GAREM1: variants seen among roughly 807,000 people sequenced by gnomAD.
GAREM1 encodes the protein GRB2 associated regulator of MAPK1 subtype 1.
GAREM1 carries 26 observed loss-of-function variants against 71.3 expected under a neutral mutation model. The ratio of observed to expected loss-of-function variants is 0.36; its 90% CI spans 0.27 to 0.51. The LOEUF (loss-of-function observed/expected upper bound fraction) is 0.51, where lower values mean the gene tolerates loss of function less well. GAREM1 is among the 20% of genes least tolerant of loss of function. The pLI, the probability that GAREM1 is intolerant of heterozygous loss-of-function variation, is 0.95. For synonymous variants in GAREM1, 440 were observed against 433.2 expected (o/e 1.02, Z -0.20); for missense variants, 1,026 against 1,103.1 (o/e 0.93, Z 0.99).
At chr18:32,441,477 T>G (rs548995636) in intron 1 of GAREM1, among the ~76,000 whole-genome samples, 3 of 152,122 alleles carry the variant, frequency 2.0e-5, no homozygotes, top group Non-Finnish European at 4.4e-5. Context: ...AAAACACGGC[T>G]TTCGAAAAGA....
At chr18:32,310,142 G>A (rs1397719434) in intron 3 of GAREM1, 51 bp downstream of exon 3, 2 of 1,598,624 alleles carry the variant, frequency 1.3e-6, no homozygotes, top group Non-Finnish European at 1.7e-6. Context: ...AGACTTGAAA[G>A]TTAAATTATC....
chr18:32,450,138 T>A (rs929154547), intron 1 of GAREM1, among the ~76,000 whole-genome samples: 1 of 152,168 alleles, frequency 6.6e-6, no homozygotes, highest in East Asian at 1.9e-4. Context: ...AGTCAGAAAA[T>A]TTTTAAAGAT....
chr18:32,272,910 C>A (rs940074387), intron 4 of GAREM1, among the ~76,000 whole-genome samples: 6 of 152,224 alleles, frequency 3.9e-5, no homozygotes, highest in African/African-American at 1.4e-4. Context: ...TGAGAACCAA[C>A]CAGGATGCCG....
At chr18:32,322,057 C>T (rs1259867839) in intron 2 of GAREM1, among the ~76,000 whole-genome samples, 1 of 152,154 alleles carries the variant, frequency 6.6e-6, no homozygotes, top group Admixed American at 6.5e-5. Context: ...ACAAAGATTT[C>T]TATAATTACC....
intron 3 of GAREM1, among the ~76,000 whole-genome samples, chr18:32,296,984 A>G (rs1273502869): frequency 6.6e-6 from 1 of 152,170 alleles, no homozygotes; most frequent in East Asian, 1.9e-4. Flanking sequence ...AGGTCAGCAA[A>G]CTAATACCCA....
intron 3 of GAREM1, among the ~76,000 whole-genome samples, chr18:32,289,974 T>C (rs1598934123): frequency 6.6e-6 from 1 of 150,868 alleles, no homozygotes; most frequent in Middle Eastern, 3.4e-3. Flanking sequence ...GGTGGCTTAT[T>C]TAAGGTAGGT....
intron 2 of GAREM1, among the ~76,000 whole-genome samples, chr18:32,335,894 G>C (rs185954699): frequency 6.6e-6 from 1 of 152,336 alleles, no homozygotes; most frequent in Admixed American, 6.5e-5. Flanking sequence ...GCAAGCAATG[G>C]GTTGGGCTGA....
At chr18:32,315,983 T>G (rs980972852) in intron 2 of GAREM1, among the ~76,000 whole-genome samples, 2 of 152,208 alleles carry the variant, frequency 1.3e-5, no homozygotes, top group African/African-American at 4.8e-5. Context: ...ATTGCGTCTG[T>G]GATCTTGTAC....
chr18:32,451,317 C>CT, intron 1 of GAREM1, among the ~76,000 whole-genome samples: 1 of 149,584 alleles, frequency 6.7e-6, no homozygotes, highest in South Asian at 2.1e-4. Flanking sequence ...CTTATTCCCA[C>CT]AACTATTCTA....
intron 4 of GAREM1, among the ~76,000 whole-genome samples, chr18:32,275,590 G>A (rs572506443): frequency 3.6e-4 from 55 of 152,286 alleles, no homozygotes; most frequent in Admixed American, 9.1e-4. Context: ...CCAAAGCCTC[G>A]CTTCCTGAGC....
intron 2 of GAREM1, among the ~76,000 whole-genome samples, chr18:32,317,096 C>T (rs999397755): frequency 9.9e-5 from 15 of 152,040 alleles, no homozygotes; most frequent in Admixed American, 9.2e-4. Flanking sequence ...AGGGCAGTGG[C>T]AAGACAAGAC....
At position 32,267,758 on chromosome 18, in the gene GAREM1, T is replaced by C. The variant is rs1351132981; in HGVS notation, c.*113A>G. 2.0e-5 allele frequency: 15 copies of C among 768,734 alleles called. No individual in the cohort carries two copies. The highest frequency in any genetic ancestry group is 1.1e-4 in the East Asian group (4 of 38,076). The allele number at this position is 768,734 out of a possible 1,614,324, so 47.6% of individuals were successfully genotyped here. A position where few individuals can be genotyped will look rare whatever the true frequency, so the allele number is the denominator to read the frequency against. The stretch of plus-strand genomic sequence containing the variant: ...ATCTGCATAGTAAGAGTTTCTCTTA[T>C]CCCTATTTACAGAGAAGGTTTTTAG... On this transcript the variant is annotated 3_prime_UTR_variant, in exon 6 of 6. Coordinates refer to ENST00000269209, the MANE Select transcript of GAREM1 (RefSeq NM_001242409.2).
intron 2 of GAREM1, among the ~76,000 whole-genome samples, chr18:32,316,754 T>C (rs879214614): frequency 6.6e-6 from 1 of 152,184 alleles, no homozygotes; most frequent in Admixed American, 6.5e-5. Flanking sequence ...AGCCCTACTT[T>C]GCATTTCTTG....
chr18:32,457,655 CTTG>C (rs897445925), intron 1 of GAREM1, among the ~76,000 whole-genome samples: 21 of 152,092 alleles, frequency 1.4e-4, no homozygotes, highest in African/African-American at 4.8e-4. Flanking sequence ...TTAAAGCTAT[CTTG>C]TTGTTTCACT....
At chr18:32,295,258 A>C (rs1036773523) in intron 3 of GAREM1, among the ~76,000 whole-genome samples, 2 of 151,904 alleles carry the variant, frequency 1.3e-5, no homozygotes, top group Non-Finnish European at 2.9e-5. Flanking sequence ...TCTCTAATAC[A>C]CTCATTATAT....
At chr18:32,336,076 T>G (rs2047589518) in intron 2 of GAREM1, among the ~76,000 whole-genome samples, 1 of 152,192 alleles carries the variant, frequency 6.6e-6, no homozygotes, top group Non-Finnish European at 1.5e-5. Flanking sequence ...TATTCTTTTT[T>G]GAGGATCGGT....
At chr18:32,437,373 C>T (rs1352390183) in intron 1 of GAREM1, among the ~76,000 whole-genome samples, 1 of 152,098 alleles carries the variant, frequency 6.6e-6, no homozygotes, top group African/African-American at 2.4e-5. Flanking sequence ...CTACTCCGTG[C>T]TGGGTGCTTG....
intron 4 of GAREM1, among the ~76,000 whole-genome samples, chr18:32,278,457 AATAC>A (rs1239055199): frequency 6.6e-6 from 1 of 152,222 alleles, no homozygotes; most frequent in Non-Finnish European, 1.5e-5. Context: ...TGATTAAGAA[AATAC>A]ATACACTGTA....
In GAREM1 at chr18:32,428,846, C is replaced by T. The variant is rs114511081; in HGVS notation, c.122-35811G>A. On this transcript the variant is annotated intron_variant, in intron 1 of 5. Transcript: ENST00000269209. Reference sequence around the variant, plus strand: ...TATGTGGAATCATCTTCCATCTTTTCGGTTCCTTGTTTTAGTCCTTTGCTG... The same window carrying T: ...TATGTGGAATCATCTTCCATCTTTTTGGTTCCTTGTTTTAGTCCTTTGCTG... 4.1e-3 allele frequency among the ~76,000 whole-genome samples: 621 copies of T among 152,202 alleles called. 4 individuals are homozygous for T. The highest frequency in any genetic ancestry group is 0.018 in the South Asian group (86 of 4,824).
Sources: gnomAD v4.1 joint callset for allele counts (sites outside exome capture counted in the v4.1 genomes callset) on GRCh38, gnomAD v4.1.1 for gene constraint, MANE v1.5 for transcripts, NCBI Gene and HGNC (gene_info 2026-07-23, HGNC 2026-07-21) for gene names.